Variants in KIF1B observed in about 807,000 individuals in gnomAD.
The protein encoded by KIF1B is kinesin family member 1B.
KIF1B carries 76 observed loss-of-function variants against 241.9 expected under a neutral mutation model. The observed-to-expected ratio is 0.31, with a 90% CI of 0.26 to 0.38. The LOEUF is 0.38. Ranked by LOEUF, KIF1B falls within the 10% of genes least tolerant of loss-of-function variation. The pLI is 1.00. For synonymous variants in KIF1B, 750 were observed against 796.7 expected, an observed-to-expected ratio of 0.94 and a Z score of 0.99; for missense variants, 1,622 against 2,271.4, an observed-to-expected ratio of 0.71 and a Z score of 5.81.
At chr1:10,315,129 C>T (rs934875922) in intron 22 of KIF1B, among the ~76,000 whole-genome samples, 2 of 149,224 alleles carry the variant, frequency 1.3e-5, no homozygotes, top group Admixed American at 6.7e-5. Flanking sequence ...TGGCAGTTTA[C>T]CCCAAATACT....
chr1:10,309,634 C>G (rs1217547210), intron 22 of KIF1B, among the ~76,000 whole-genome samples: 1 of 151,556 alleles, frequency 6.6e-6, no homozygotes, highest in East Asian at 1.9e-4. Flanking sequence ...CTCAGAGGTG[C>G]CTTAATTGTA....
chr1:10,378,226 C>T lies in KIF1B; in HGVS notation c.*1639C>T. The T allele has an allele frequency of 5.8e-6, 4 of 689,468 alleles. No individual in the cohort carries two copies. In the South Asian group the frequency reaches 6.3e-5, roughly 11 times the overall value. 42.7% of individuals were successfully genotyped at this position (689,468 alleles called of 1,614,324 possible). On this transcript the variant is annotated 3_prime_UTR_variant, in exon 49 of 49. Coordinates refer to ENST00000676179, the MANE Select transcript of KIF1B (RefSeq NM_001365951.3). ...GGGGCACGGATGAACGTCCAGGGAG[C>T]CCGGGCCCCAGGCTTTGTTGCGTGT...
rs192963286 is a variant in KIF1B at position 10,380,376 on chromosome 1, C to T, written c.*3789C>T. 107 of 198,838 alleles carry T rather than the reference C, an allele frequency of 5.4e-4. No individual in the cohort carries two copies. The highest frequency in any genetic ancestry group is 3.5e-3 in the Middle Eastern group (2 of 578). 12.3% of individuals were successfully genotyped at this position (198,838 alleles called of 1,614,324 possible). ...GACTTAGGTCTTTCAGTTTTCCTTT[C>T]GGTTCCCTTTTAAAAATGTGATTGT... On this transcript the variant is annotated 3_prime_UTR_variant, in exon 49 of 49. Transcript: ENST00000676179.
intron 37 of KIF1B, among the ~76,000 whole-genome samples, chr1:10,349,379 G>T (rs187972717): frequency 1.2e-4 from 18 of 151,830 alleles, no homozygotes; most frequent in Admixed American, 2.0e-4. Flanking sequence ...AGGTTGCAGT[G>T]AGCTGAGATG....
Position 10,374,662 on chromosome 1 carries a change from C to T in KIF1B, c.5097-192C>T, listed in dbSNP as rs182822471. Among the ~76,000 whole-genome samples, 9 of 152,292 alleles carry T rather than the reference C, an allele frequency of 5.9e-5. No homozygotes were observed. In the East Asian group the frequency reaches 1.5e-3, roughly 26 times the overall value. On this transcript the variant is annotated intron_variant, in intron 46 of 48. Transcript: ENST00000676179. The surrounding 1 kb of genome is among the most constrained non-coding windows in gnomAD (Gnocchi z 4.3). ...GTCTCATAATGCATCTGCACCCTGGCGCAGCATGTTGCCATGGCACGGTTT... is the reference window on the plus strand; with the variant it reads ...GTCTCATAATGCATCTGCACCCTGGTGCAGCATGTTGCCATGGCACGGTTT...
At chr1:10,211,149 C>G (rs953755026) in intron 1 of KIF1B, among the ~76,000 whole-genome samples, 3 of 152,210 alleles carry the variant, frequency 2.0e-5, no homozygotes, top group Admixed American at 2.0e-4. Flanking sequence ...CAGGCCCCGG[C>G]TGTGCCCAGC....
chr1:10,220,856 T>C (rs955351761), intron 1 of KIF1B, among the ~76,000 whole-genome samples: 1 of 151,768 alleles, frequency 6.6e-6, no homozygotes, highest in Admixed American at 6.6e-5. Context: ...AGAGACGGAG[T>C]TTCACCATGC....
chr1:10,318,819 CTTATT>C (rs1651406479), intron 22 of KIF1B, among the ~76,000 whole-genome samples: 2 of 152,132 alleles, frequency 1.3e-5, no homozygotes, highest in Non-Finnish European at 2.9e-5. Context: ...CTTAACCCTA[CTTATT>C]TTATTTTCAC....
chr1:10,220,803 C>T (rs1424067034), intron 1 of KIF1B, among the ~76,000 whole-genome samples: 3 of 152,012 alleles, frequency 2.0e-5, no homozygotes, highest in Non-Finnish European at 4.4e-5. Context: ...GCTGGGATTA[C>T]AGGTGCCTGC....
intron 2 of KIF1B, among the ~76,000 whole-genome samples, chr1:10,250,583 TG>T (rs1189645491): frequency 6.6e-6 from 1 of 152,142 alleles, no homozygotes; most frequent in Non-Finnish European, 1.5e-5. Context: ...CCCATGACTT[TG>T]GGAGGGCAAG....
intron 37 of KIF1B, among the ~76,000 whole-genome samples, chr1:10,350,029 G>A (rs1222105904): frequency 6.6e-6 from 1 of 152,194 alleles, no homozygotes; most frequent in Non-Finnish European, 1.5e-5. Context: ...GGTGGCTCAC[G>A]CCTGTAATCC....
chr1:10,318,512 G>T (rs898562977), intron 22 of KIF1B, among the ~76,000 whole-genome samples: 11 of 151,486 alleles, frequency 7.3e-5, no homozygotes, highest in African/African-American at 2.7e-4. Context: ...GTGAGGTCAG[G>T]AGTTCGAGAT....
chr1:10,328,732 G>A (rs910552378), intron 27 of KIF1B, among the ~76,000 whole-genome samples: 5 of 152,174 alleles, frequency 3.3e-5, no homozygotes, highest in African/African-American at 9.7e-5. Flanking sequence ...TTCATCTTAC[G>A]TAACATGGTG....
chr1:10,337,521 T>C lies in KIF1B; in HGVS notation c.3410T>C (p.Phe1137Ser), dbSNP rs1161791759. 1 of 1,614,240 alleles carries C rather than the reference T, an allele frequency of 6.2e-7. No homozygotes were observed. Among genetic ancestry groups the C allele is most frequent in the South Asian group, 1.1e-5 (1 of 91,084 alleles). ...SGILPEYADI[F>S]CQFNFLHRHD... ...ATCCTCCCAGAGTATGCAGATATCT[T>C]CTGTCAGTTCAAGTAAGCTGCCCCT... is the stretch of plus-strand genomic sequence containing the variant. Residue 1137 changes from phenylalanine (F) to serine (S), a missense_variant, in exon 31 of 49, where the codon TTC (phenylalanine) becomes TCC (serine). Physicochemically the swap from Phe to Ser is radical, Grantham distance 155. Coordinates refer to ENST00000676179, the MANE Select transcript of KIF1B (RefSeq NM_001365951.3). This position sits in a 1 kb window ranked among gnomAD's most constrained non-coding sequence, Gnocchi z 4.0.
At position 10,320,107 on chromosome 1, in the gene KIF1B, C is replaced by T; in HGVS notation, c.2180C>T (p.Thr727Ile). 1.2e-6 allele frequency: 2 copies of T among 1,613,612 alleles called. No homozygotes were observed. The highest frequency in any genetic ancestry group is 1.7e-6 in the Non-Finnish European group (2 of 1,179,608). The change falls in exon 23 of 49, where the codon ACA (threonine) becomes ATA (isoleucine). Residue 727 changes from threonine to isoleucine, a missense_variant. Around this residue, in one of 7 missense-constraint regions of KIF1B, gnomAD observed 803 missense variants for 1,112.0 expected, o/e 0.72. Transcript: ENST00000676179. Reference protein sequence around the residue: ...QVETRSLAAETTEEEEEEEEV... With the variant: ...QVETRSLAAEITEEEEEEEEV... ...GAAACCCGATCTCTGGCTGCAGAAA[C>T]AACTGAAGAGGAGGAAGAAGAGGAA...
chr1:10,348,768 GACTT>G (rs1652681945), intron 37 of KIF1B, 35 bp downstream of exon 37: 1 of 1,546,948 alleles, frequency 6.5e-7, no homozygotes, highest in Admixed American at 1.7e-5. Context: ...ATAGAACCAG[GACTT>G]ACAGAGATTT....
chr1:10,342,186 A>G lies in KIF1B; in HGVS notation c.3632+18A>G. ...CTTAACAGGTTTGGACCAGATAAGCAAACATTTTTGATGGTATTGTTTTGA... is the reference window on the plus strand; with the variant it reads ...CTTAACAGGTTTGGACCAGATAAGCGAACATTTTTGATGGTATTGTTTTGA... On this transcript the variant is annotated intron_variant, in intron 33 of 48. Transcript: ENST00000676179. 6.9e-7 allele frequency: 1 copy of G among 1,446,458 alleles called. No individual in the cohort carries two copies. The highest frequency in any genetic ancestry group is 2.3e-5 in the East Asian group (1 of 44,100). The allele number at this position is 1,446,458 out of a possible 1,614,324, so 89.6% of individuals were successfully genotyped here.
intron 1 of KIF1B, among the ~76,000 whole-genome samples, chr1:10,215,042 C>T (rs1362831663): frequency 6.7e-6 from 1 of 149,512 alleles, no homozygotes; most frequent in Non-Finnish European, 1.5e-5. Flanking sequence ...TTATCTAATA[C>T]TCAATTGGTA....
In KIF1B at chr1:10,337,349, G is replaced by A; in HGVS notation, c.3260-22G>A. The A allele has an allele frequency of 4.3e-6, 7 of 1,614,162 alleles. No homozygotes were observed. Among genetic ancestry groups the A allele is most frequent in the Non-Finnish European group, 5.1e-6 (6 of 1,179,998 alleles). ...TCTTTGCATTATTTGAACCATCTGT[G>A]TCTTCATTTGACCCTCTTTAGATTT... is the stretch of plus-strand genomic sequence containing the variant. On this transcript the variant is annotated intron_variant, in intron 30 of 48. Transcript: ENST00000676179. The surrounding 1 kb of genome is among the most constrained non-coding windows in gnomAD (Gnocchi z 4.0).
Sources: gnomAD v4.1 joint callset for allele counts (sites outside exome capture counted in the v4.1 genomes callset) on GRCh38, gnomAD v4.1.1 for gene constraint, gnomAD v4.1.1 regional missense constraint, Gnocchi (gnomAD v3.1) non-coding constraint, MANE v1.5 for transcripts, NCBI Gene and HGNC (gene_info 2026-07-23, HGNC 2026-07-21) for gene names.